Variants in MAP1A observed in about 807,000 individuals in gnomAD.
MAP1A encodes the protein microtubule associated protein 1A.
In MAP1A, 42 loss-of-function variants were observed where a neutral mutation model predicts 185.9. That is an observed-to-expected ratio of 0.23 (90% CI 0.18 to 0.29). MAP1A has a LOEUF of 0.29. Among genes scored for constraint, MAP1A ranks in the 10% least tolerant of loss-of-function variants. The pLI is 1.00. For missense variants in MAP1A, 2,995 were observed against 3,450.4 expected (o/e 0.87, Z 3.31); for synonymous variants, 1,229 against 1,335.9 (o/e 0.92, Z 1.74).
chr15:43,513,803 C>T (rs1169550977), upstream of MAP1A, among the ~76,000 whole-genome samples: 4 of 152,196 alleles, frequency 2.6e-5, no homozygotes, highest in East Asian at 3.8e-4. Context: ...TGATGAAAAT[C>T]GGCAGTTTTA....
At chr15:43,513,376 G>A (rs1474178241), upstream of MAP1A, among the ~76,000 whole-genome samples, 1 of 151,688 alleles carries the variant, frequency 6.6e-6, no homozygotes, top group Non-Finnish European at 1.5e-5. Context: ...TCATGTTACT[G>A]GAAAATGTTG....
upstream of MAP1A, among the ~76,000 whole-genome samples, chr15:43,513,127 G>A (rs376229710): frequency 1.9e-4 from 29 of 151,960 alleles, no homozygotes; most frequent in African/African-American, 6.8e-4. Flanking sequence ...TCGGGAGTTC[G>A]AGGCCAGCCT....
intron 2 of MAP1A, 86 bp from the exon 3 acceptor site, chr15:43,520,886 A>G: frequency 7.2e-7 from 1 of 1,398,184 alleles, no homozygotes; most frequent in African/African-American, 1.4e-5. Flanking sequence ...ATAAGTTGGG[A>G]GCATGTTCTT....
Position 43,528,505 on chromosome 15 carries a change from G to C in MAP1A, c.7032G>C (p.Thr2344=). Residue 2344 remains threonine, a synonymous_variant, in exon 4 of 6, where the codon ACG becomes ACC. Coordinates refer to ENST00000300231, the MANE Select transcript of MAP1A (RefSeq NM_002373.6). ...PCHLECSEAA[T]EKPSPFQVPS... is the part of the protein sequence containing the mutation. ...ACCTGGAGTGCTCAGAGGCAGCCACGGAGAAGCCAAGCCCCTTCCAGGTTC... is the reference window on the plus strand; with the variant it reads ...ACCTGGAGTGCTCAGAGGCAGCCACCGAGAAGCCAAGCCCCTTCCAGGTTC... The C allele has an allele frequency of 1.9e-6, 3 of 1,613,550 alleles. No homozygotes were observed. Among genetic ancestry groups the C allele is most frequent in the Non-Finnish European group, 2.5e-6 (3 of 1,180,020 alleles).
Position 43,523,460 on chromosome 15 carries a change from G to C in MAP1A, c.1987G>C (p.Glu663Gln). The C allele has an allele frequency of 6.2e-7, 1 of 1,613,976 alleles. No individual in the cohort carries two copies. Among genetic ancestry groups the C allele is most frequent in the Non-Finnish European group, 8.5e-7 (1 of 1,179,948 alleles). The change falls in exon 4 of 6, where the codon GAG (glutamate) becomes CAG (glutamine). Residue 663 changes from glutamate to glutamine, a missense_variant. Coordinates refer to ENST00000300231, the MANE Select transcript of MAP1A (RefSeq NM_002373.6). ...AAAGGCTGAGTTAGAAGAAATGGAG[G>C]AGGTACACCCTTCAGATGAGGAGGA... ...IEKAELEEME[E>Q]VHPSDEEEED...
At chr15:43,511,045 G>C (rs567403051) in exon 1 of MAP1A, 64 of 1,548,806 alleles carry the variant, frequency 4.1e-5, no homozygotes, top group Non-Finnish European at 5.1e-5. Context: ...AGACAACTCC[G>C]GGGCTGGGGC....
upstream of MAP1A, among the ~76,000 whole-genome samples, chr15:43,516,884 G>A (rs2079299441): frequency 6.6e-6 from 1 of 152,102 alleles, no homozygotes; most frequent in South Asian, 2.1e-4. Context: ...GTCCCTTCAG[G>A]GACTTGTCTC....
Position 43,524,825 on chromosome 15 carries a change from C to G in MAP1A, c.3352C>G (p.Leu1118Val), listed in dbSNP as rs933248284. ...PTGPILGAEA[L>V]PGGLRTLPQE... ...AGGCCCAATTCTGGGAGCAGAAGCC[C>G]TTCCCGGAGGTTTGAGGACTTTACC... The change falls in exon 4 of 6, where the codon CTT (leucine) becomes GTT (valine). Residue 1118 changes from leucine to valine, a missense_variant. Leu to Val is a conservative substitution (Grantham distance 32). Transcript: ENST00000300231. The G allele has an allele frequency of 6.2e-7, 1 of 1,614,150 alleles. No homozygotes were observed. The highest frequency in any genetic ancestry group is 1.3e-5 in the African/African-American group (1 of 75,024).
Position 43,525,086 on chromosome 15 carries a change from A to T in MAP1A, c.3613A>T (p.Ser1205Cys). ...QSLSLSEESP[S>C]KETSLDVSSK... Reference sequence around the variant, plus strand: ...ACTTTCTCTGTCAGAAGAGAGTCCCAGCAAGGAGACCTCCCTGGATGTCTC... The same window carrying T: ...ACTTTCTCTGTCAGAAGAGAGTCCCTGCAAGGAGACCTCCCTGGATGTCTC... Residue 1205 changes from serine to cysteine, a missense_variant, in exon 4 of 6, where the codon AGC (serine) becomes TGC (cysteine). By Grantham distance (112) the Ser-to-Cys change is moderately radical. This residue lies in a region of MAP1A where 2,728 missense variants were observed against 2,986.0 expected (regional missense o/e 0.91). Transcript: ENST00000300231. 6.2e-7 allele frequency: 1 copy of T among 1,614,232 alleles called. No homozygotes were observed. The highest frequency in any genetic ancestry group is 8.5e-7 in the Non-Finnish European group (1 of 1,180,044).
chr15:43,511,608 G>A (rs1350179445), intron 1 of MAP1A, among the ~76,000 whole-genome samples: 1 of 152,150 alleles, frequency 6.6e-6, no homozygotes, highest in Non-Finnish European at 1.5e-5. Context: ...GAACCAGCAC[G>A]GGGAGCTTTC....
chr15:43,519,729 A>G (rs975300005), intron 1 of MAP1A, among the ~76,000 whole-genome samples: 3 of 152,220 alleles, frequency 2.0e-5, no homozygotes, highest in African/African-American at 7.2e-5. Flanking sequence ...GGGATGCCTT[A>G]TCTTTCTCCA....
At position 43,529,346 on chromosome 15, in the gene MAP1A, C is replaced by A; in HGVS notation, c.7873C>A (p.Arg2625=). 2 of 1,613,984 alleles carry A rather than the reference C, an allele frequency of 1.2e-6. No homozygotes were observed. Among genetic ancestry groups the A allele is most frequent in the Non-Finnish European group, 1.7e-6 (2 of 1,180,020 alleles). ...GTCCCCTGCACGGCGTCTGGATCTT[C>A]GGGGAAAACGCTCACCCACCCCTGG... The part of the protein sequence containing the change: ...PASPARRLDL[R]GKRSPTPGKG... The change falls in exon 4 of 6, where the codon CGG becomes AGG. Residue 2625 remains arginine, a synonymous_variant. Transcript: ENST00000300231. This position sits in a 1 kb window ranked among gnomAD's most constrained non-coding sequence, Gnocchi z 4.3.
rs2079363998 is a variant in MAP1A at position 43,529,782 on chromosome 15, G to C, written c.8168G>C (p.Ser2723Thr). The C allele has an allele frequency of 6.2e-7, 1 of 1,614,058 alleles. No homozygotes were observed. Among genetic ancestry groups the C allele is most frequent in the Non-Finnish European group, 8.5e-7 (1 of 1,180,054 alleles). The stretch of plus-strand genomic sequence containing the variant: ...GTGCGTGCATCCTACTATGTGGTCA[G>C]TGGGAATGACCCTGCCAATGGCGAG... ...RRVRASYYVV[S>T]GNDPANGEPS... Residue 2723 changes from serine (S) to threonine (T), a missense_variant, in exon 5 of 6, where the codon AGT becomes ACT. Ser to Thr is a moderately conservative substitution (Grantham distance 58). Coordinates refer to ENST00000300231, the MANE Select transcript of MAP1A (RefSeq NM_002373.6). This position sits in a 1 kb window ranked among gnomAD's most constrained non-coding sequence, Gnocchi z 4.3.
chr15:43,524,131 G>A lies in MAP1A; in HGVS notation c.2658G>A (p.Leu886=). The A allele has an allele frequency of 3.7e-6, 6 of 1,614,154 alleles. No individual in the cohort carries two copies. The highest frequency in any genetic ancestry group is 4.2e-6 in the Non-Finnish European group (5 of 1,180,030). ...CCCGTACTGAAGCTACGCAGGGCTT[G>A]GACTATGTGCCATCAGCTGGTACCA... ...PSSRTEATQG[L]DYVPSAGTIS... is the part of the protein sequence containing the mutation. Residue 886 remains leucine, a synonymous_variant, in exon 4 of 6, where the codon TTG becomes TTA. Coordinates refer to ENST00000300231, the MANE Select transcript of MAP1A (RefSeq NM_002373.6).
At position 43,527,535 on chromosome 15, in the gene MAP1A, T is replaced by C. The variant is rs749545905; in HGVS notation, c.6062T>C (p.Ile2021Thr). 2.5e-6 allele frequency: 4 copies of C among 1,613,960 alleles called. No homozygotes were observed. The highest frequency in any genetic ancestry group is 1.1e-5 in the South Asian group (1 of 91,084). Residue 2021 changes from isoleucine (I) to threonine (T), a missense_variant, in exon 4 of 6, where the codon ATC becomes ACC. Transcript: ENST00000300231. ...GCAGAGAAGGAGCTTTCATCTCCTA[T>C]CTCACCCAAGAGCCTCCAGTCTGAC... ...TSAEKELSSPISPKSLQSDTP... is the reference protein window; with the variant it reads ...TSAEKELSSPTSPKSLQSDTP...
chr15:43,514,679 G>C (rs1178398304), upstream of MAP1A, among the ~76,000 whole-genome samples: 1 of 152,152 alleles, frequency 6.6e-6, no homozygotes, highest in African/African-American at 2.4e-5. Flanking sequence ...CAGTGGCCCA[G>C]CTCCTTCTAG....
upstream of MAP1A, among the ~76,000 whole-genome samples, chr15:43,516,401 A>G (rs1209648564): frequency 1.3e-5 from 2 of 152,110 alleles, no homozygotes; most frequent in African/African-American, 4.8e-5. Context: ...CTGACCTTCA[A>G]AAGTAACTCT....
At chr15:43,515,127 T>C (rs953178934), upstream of MAP1A, among the ~76,000 whole-genome samples, 1 of 152,134 alleles carries the variant, frequency 6.6e-6, no homozygotes, top group Non-Finnish European at 1.5e-5. Context: ...GAGAATTGCT[T>C]GAACCCAGGA....
intron 5 of MAP1A, 46 bp from the exon 6 acceptor site, chr15:43,530,023 C>G: frequency 1.9e-6 from 3 of 1,603,532 alleles, no homozygotes; most frequent in Non-Finnish European, 2.6e-6. Context: ...CCTCACCTAC[C>G]TTCCCTTTAT....
Sources: gnomAD v4.1 joint callset for allele counts (sites outside exome capture counted in the v4.1 genomes callset) on GRCh38, gnomAD v4.1.1 for gene constraint, gnomAD v4.1.1 regional missense constraint, Gnocchi (gnomAD v3.1) non-coding constraint, MANE v1.5 for transcripts, NCBI Gene and HGNC (gene_info 2026-07-23, HGNC 2026-07-21) for gene names.